The following DPYD variants were observed in gnomAD, a reference collection of about 807,000 sequenced individuals.
The protein encoded by DPYD is dihydropyrimidine dehydrogenase, also known as dihydropyrimidine dehydrogenase [NADP(+)].
Under a neutral mutation model 116.2 loss-of-function variants are expected in DPYD, and 109 were observed. That is an observed-to-expected ratio of 0.94 (90% CI 0.80 to 1.10). The LOEUF (loss-of-function observed/expected upper bound fraction) is 1.10, where lower values mean the gene tolerates loss of function less well. DPYD is among the 50% of genes least tolerant of loss of function. DPYD has a pLI of 0.00. For missense variants in DPYD, 1,302 were observed against 1,254.5 expected (o/e 1.04, Z -0.57); for synonymous variants, 440 against 432.0 (o/e 1.02, Z -0.23).
At chr1:97,546,180 C>T in intron 12 of DPYD, 1 of 1,472,842 alleles carries the variant, frequency 6.8e-7, no homozygotes, top group Non-Finnish European at 9.5e-7. Context: ...AGAAGATGGG[C>T]AGGGTGAAAC....
chr1:97,086,431 C>T (rs1242043720), intron 21 of DPYD, among the ~76,000 whole-genome samples: 3 of 151,548 alleles, frequency 2.0e-5, no homozygotes, highest in Admixed American at 1.3e-4. Flanking sequence ...AGGAACTAGA[C>T]AGCCCTGATT....
At chr1:97,898,839 G>A (rs1353944871) in intron 1 of DPYD, among the ~76,000 whole-genome samples, 2 of 151,902 alleles carry the variant, frequency 1.3e-5, no homozygotes, top group Non-Finnish European at 2.9e-5. Flanking sequence ...TTTCTTGCCT[G>A]CCACCATGTA....
intron 1 of DPYD, among the ~76,000 whole-genome samples, chr1:97,887,535 G>A (rs367784379): frequency 1.3e-4 from 19 of 148,438 alleles, no homozygotes; most frequent in African/African-American, 4.7e-4. Context: ...CTCCTCTAGA[G>A]GGGGTTTAGT....
chr1:97,751,454 G>GTA lies in DPYD; in HGVS notation c.234-10976_234-10975insTA, dbSNP rs1457273757. On this transcript the variant is annotated intron_variant, in intron 3 of 22. Transcript: ENST00000370192. ...CGTGTGTGTGTGTGTGTGTGTGTGT[G>GTA]TGTGTGTATATATATATATATATAT... Among the ~76,000 whole-genome samples the GTA allele has an allele frequency of 3.2e-3, 94 of 29,378 alleles. 1 individual carries two copies. Among genetic ancestry groups the GTA allele is most frequent in the African/African-American group, 8.9e-3 (79 of 8,904 alleles). 19.3% of individuals were successfully genotyped at this position (29,378 alleles called of 152,430 possible). A position where few individuals can be genotyped will look rare whatever the true frequency, so the allele number is the denominator to read the frequency against.
intron 15 of DPYD, among the ~76,000 whole-genome samples, chr1:97,374,711 C>T (rs1185796402): frequency 5.5e-5 from 5 of 91,212 alleles, no homozygotes; most frequent in Non-Finnish European, 9.8e-5. Flanking sequence ...AGCAAGACTC[C>T]GTCTCAGAAA....
chr1:97,724,724 C>T (rs143697532), intron 4 of DPYD, among the ~76,000 whole-genome samples: 211 of 151,630 alleles, frequency 1.4e-3, no homozygotes, highest in African/African-American at 4.7e-3. Context: ...AAAACACTCT[C>T]ACAGAAACAT....
chr1:97,198,304 A>G (rs1305816966), intron 19 of DPYD, among the ~76,000 whole-genome samples: 1 of 152,180 alleles, frequency 6.6e-6, no homozygotes, highest in African/African-American at 2.4e-5. Flanking sequence ...TCTTCTAAAC[A>G]AATAGGTTTC....
intron 16 of DPYD, among the ~76,000 whole-genome samples, chr1:97,320,197 G>A (rs1425656726): frequency 1.2e-3 from 164 of 133,316 alleles, no homozygotes; most frequent in African/African-American, 3.7e-3. Flanking sequence ...CTCTCTCACC[G>A]CTCCTATTCA....
chr1:97,192,340 C>G (rs1053139838), intron 20 of DPYD, among the ~76,000 whole-genome samples: 3 of 150,150 alleles, frequency 2.0e-5, no homozygotes, highest in African/African-American at 7.3e-5. Flanking sequence ...TTTTATACTG[C>G]CTCTCTTTTT....
chr1:97,575,189 T>C (rs184960051), intron 10 of DPYD, among the ~76,000 whole-genome samples: 1 of 152,318 alleles, frequency 6.6e-6, no homozygotes, highest in Non-Finnish European at 1.5e-5. Context: ...GATGATACTT[T>C]GTTAACCACT....
chr1:97,171,348 A>G (rs1489066371), intron 20 of DPYD, among the ~76,000 whole-genome samples: 1 of 152,228 alleles, frequency 6.6e-6, no homozygotes, highest in Non-Finnish European at 1.5e-5. Context: ...TGACTGCCAC[A>G]GGTCACTGGG....
At chr1:97,117,363 A>G (rs920522987) in intron 20 of DPYD, among the ~76,000 whole-genome samples, 1 of 152,224 alleles carries the variant, frequency 6.6e-6, no homozygotes, top group African/African-American at 2.4e-5. Flanking sequence ...AATCTTCACT[A>G]GAAGATCGTT....
intron 20 of DPYD, among the ~76,000 whole-genome samples, chr1:97,189,703 C>T (rs1179746095): frequency 6.6e-6 from 1 of 152,094 alleles, no homozygotes; most frequent in Admixed American, 6.6e-5. Flanking sequence ...TCTTCACAAG[C>T]CCATAGTTAA....
chr1:97,742,139 A>C (rs965680373), intron 3 of DPYD, among the ~76,000 whole-genome samples: 4 of 152,074 alleles, frequency 2.6e-5, no homozygotes, highest in Non-Finnish European at 5.9e-5. Flanking sequence ...TGTCAGAAAA[A>C]CAGCATTCTC....
chr1:97,680,272 C>A (rs1055167896), intron 7 of DPYD, among the ~76,000 whole-genome samples: 2 of 152,228 alleles, frequency 1.3e-5, no homozygotes, highest in Non-Finnish European at 2.9e-5. Context: ...GAGACTAAAT[C>A]AAAGATAATA....
At chr1:97,420,783 G>GC (rs1331232229) in intron 14 of DPYD, among the ~76,000 whole-genome samples, 1 of 152,100 alleles carries the variant, frequency 6.6e-6, no homozygotes, top group Non-Finnish European at 1.5e-5. Flanking sequence ...TAATGCCAGT[G>GC]CCTTCTCTGC....
intron 3 of DPYD, chr1:97,774,897 T>C (rs1177022393): frequency 7.6e-6 from 2 of 262,346 alleles, no homozygotes; most frequent in Non-Finnish European, 1.7e-5. Context: ...GGGAAAAACC[T>C]TTTGAATGTC....
chr1:97,412,359 T>A (rs563918183), intron 14 of DPYD, among the ~76,000 whole-genome samples: 17 of 152,342 alleles, frequency 1.1e-4, no homozygotes, highest in Admixed American at 1.1e-3. Flanking sequence ...AATGTTGATA[T>A]CAATGCTGTT....
intron 10 of DPYD, among the ~76,000 whole-genome samples, chr1:97,587,645 G>A (rs997840472): frequency 3.3e-5 from 5 of 151,894 alleles, no homozygotes; most frequent in African/African-American, 1.2e-4. Context: ...CTAACATGGT[G>A]AAACCCCGTT....
Sources: gnomAD v4.1 joint callset for allele counts (sites outside exome capture counted in the v4.1 genomes callset) on GRCh38, gnomAD v4.1.1 for gene constraint, MANE v1.5 for transcripts, NCBI Gene and HGNC (gene_info 2026-07-23, HGNC 2026-07-21) for gene names.